CCDC60: variants seen among roughly 807,000 people sequenced by gnomAD.
The protein encoded by CCDC60 is coiled-coil domain-containing protein 60.
In CCDC60, 54 loss-of-function variants were observed where a neutral mutation model predicts 63.5. The ratio of observed to expected loss-of-function variants is 0.85; its 90% CI spans 0.68 to 1.07. The LOEUF (loss-of-function observed/expected upper bound fraction) is 1.07. CCDC60 is among the 50% of genes least tolerant of loss of function. The pLI is 0.00. For missense variants in CCDC60, 651 were observed against 684.3 expected (o/e 0.95, Z 0.54); for synonymous variants, 206 against 238.8 (o/e 0.86, Z 1.27).
intron 1 of CCDC60, among the ~76,000 whole-genome samples, chr12:119,339,330 T>G (rs1477152949): frequency 6.6e-6 from 1 of 152,232 alleles, no homozygotes; most frequent in East Asian, 1.9e-4. Flanking sequence ...TGTAAAGGTT[T>G]GCAATCCTTT....
chr12:119,501,629 G>C (rs924429360), intron 6 of CCDC60, among the ~76,000 whole-genome samples: 2 of 152,190 alleles, frequency 1.3e-5, no homozygotes, highest in East Asian at 3.9e-4. Context: ...ACGAGCCTTG[G>C]TTTTTATGGC....
intron 1 of CCDC60, among the ~76,000 whole-genome samples, chr12:119,364,279 T>A (rs1298251275): frequency 1.3e-5 from 2 of 152,168 alleles, no homozygotes; most frequent in Admixed American, 6.5e-5. Context: ...CAATGAGATT[T>A]GACGATTGTA....
chr12:119,385,184 A>G (rs1456942609), intron 1 of CCDC60, among the ~76,000 whole-genome samples: 3 of 152,198 alleles, frequency 2.0e-5, no homozygotes, highest in Admixed American at 6.5e-5. Flanking sequence ...GCCTCTCCAG[A>G]ACCACTTGCC....
At chr12:119,358,830 T>C (rs891164685) in intron 1 of CCDC60, among the ~76,000 whole-genome samples, 1 of 152,254 alleles carries the variant, frequency 6.6e-6, no homozygotes, top group Non-Finnish European at 1.5e-5. Context: ...ACAATTTATT[T>C]ATCTGTTTAC....
Position 119,505,283 on chromosome 12 carries a change from A to G in CCDC60, c.863A>G (p.Asp288Gly), listed in dbSNP as rs1312607155. ...AATGAGTCATCTTCAACCAAGCCAG[A>G]TGAAGAACCTCTGTATATGAGTAAG... ...EDNESSSTKPDEEPLYMNLQK... is the reference protein window; with the variant it reads ...EDNESSSTKPGEEPLYMNLQK... Residue 288 changes from aspartate to glycine, a missense_variant, in exon 7 of 14, where the codon GAT (aspartate) becomes GGT (glycine). Coordinates refer to ENST00000327554, the MANE Select transcript of CCDC60 (RefSeq NM_178499.5). 2 of 1,609,602 alleles carry G rather than the reference A, an allele frequency of 1.2e-6. No individual in the cohort carries two copies. Among genetic ancestry groups the G allele is most frequent in the South Asian group, 1.1e-5 (1 of 91,062 alleles).
At position 119,524,439 on chromosome 12, in the gene CCDC60, T is replaced by C. The variant is rs996556310; in HGVS notation, c.1229+621T>C. 2.7e-5 allele frequency: 27 copies of C among 985,004 alleles called. No individual in the cohort carries two copies. The Admixed American group carries it at 4.3e-4, about 16-fold the overall frequency. The allele number at this position is 985,004 out of a possible 1,614,324, so 61.0% of individuals were successfully genotyped here. A position where few individuals can be genotyped will look rare whatever the true frequency, so the allele number is the denominator to read the frequency against. ...CCATCCATCCCGATGAATGCATCTA[T>C]ACAACAAAGTTTGCATCATAGCCCG... is the stretch of plus-strand genomic sequence containing the variant. On this transcript the variant is annotated intron_variant, in intron 11 of 13. Coordinates refer to ENST00000327554, the MANE Select transcript of CCDC60 (RefSeq NM_178499.5).
intron 5 of CCDC60, among the ~76,000 whole-genome samples, chr12:119,493,188 C>G (rs768244155): frequency 1.5e-4 from 23 of 152,244 alleles, no homozygotes; most frequent in Non-Finnish European, 2.8e-4. Flanking sequence ...AACCCTGAGC[C>G]CTGACACCCA....
chr12:119,343,522 G>T (rs969909046), intron 1 of CCDC60, among the ~76,000 whole-genome samples: 2 of 152,080 alleles, frequency 1.3e-5, no homozygotes, highest in Non-Finnish European at 2.9e-5. Flanking sequence ...CACCTACCAT[G>T]TGACAGATGT....
chr12:119,402,465 G>A (rs1956409548), intron 1 of CCDC60: 1 of 152,184 alleles, frequency 6.6e-6, no homozygotes, highest in Admixed American at 6.5e-5. Flanking sequence ...AAGCTTTGGA[G>A]CCAAAGTGCA....
chr12:119,528,831 C>T, intron 12 of CCDC60, 85 bp downstream of exon 12: 1 of 1,412,504 alleles, frequency 7.1e-7, no homozygotes, highest in Non-Finnish European at 9.6e-7. Flanking sequence ...TTCCACTGTC[C>T]TTCAAGGCAT....
At chr12:119,460,027 G>A (rs1258871000) in intron 2 of CCDC60, among the ~76,000 whole-genome samples, 3 of 152,156 alleles carry the variant, frequency 2.0e-5, no homozygotes, top group South Asian at 2.1e-4. Flanking sequence ...AAGCTCTCAC[G>A]TGATGCTGAT....
intron 5 of CCDC60, among the ~76,000 whole-genome samples, chr12:119,489,113 G>A (rs924632599): frequency 5.9e-5 from 9 of 152,106 alleles, no homozygotes; most frequent in Admixed American, 5.2e-4. Flanking sequence ...ACATCACATG[G>A]GTAGCTTGAA....
chr12:119,383,562 C>T (rs1253395653), intron 1 of CCDC60, among the ~76,000 whole-genome samples: 4 of 152,132 alleles, frequency 2.6e-5, no homozygotes, highest in Admixed American at 6.6e-5. Flanking sequence ...GGGCTGTGTG[C>T]GAGAGCAGAA....
chr12:119,416,947 C>A (rs1015422004), intron 1 of CCDC60, among the ~76,000 whole-genome samples: 1 of 151,932 alleles, frequency 6.6e-6, no homozygotes. Context: ...ATGGTGAAAC[C>A]CCATCTATAC....
chr12:119,469,769 C>T (rs1457417762), intron 2 of CCDC60, among the ~76,000 whole-genome samples: 3 of 152,132 alleles, frequency 2.0e-5, no homozygotes, highest in Non-Finnish European at 4.4e-5. Context: ...TTGTAAGATG[C>T]AGTTTCACGT....
intron 2 of CCDC60, among the ~76,000 whole-genome samples, chr12:119,436,732 G>T (rs2136248390): frequency 6.6e-6 from 1 of 152,172 alleles, no homozygotes; most frequent in South Asian, 2.1e-4. Flanking sequence ...TAGAGATAGG[G>T]TTTCACCATG....
At chr12:119,516,518 C>G in intron 7 of CCDC60, 105 bp from the exon 8 acceptor site, 1 of 706,650 alleles carries the variant, frequency 1.4e-6, no homozygotes. Flanking sequence ...ATCTCCAACC[C>G]TCAGGAGCAG....
intron 1 of CCDC60, among the ~76,000 whole-genome samples, chr12:119,362,990 C>A (rs1450964839): frequency 6.6e-6 from 1 of 152,144 alleles, no homozygotes; most frequent in African/African-American, 2.4e-5. Flanking sequence ...CCCAGCTACT[C>A]GGGAGGCTGG....
chr12:119,433,361 T>G (rs780639311), intron 2 of CCDC60: 19 of 699,960 alleles, frequency 2.7e-5, no homozygotes, highest in Non-Finnish European at 5.2e-6. Context: ...AGCTGAGATT[T>G]AACGTTCTGC....
Sources: gnomAD v4.1 joint callset for allele counts (sites outside exome capture counted in the v4.1 genomes callset) on GRCh38, gnomAD v4.1.1 for gene constraint, MANE v1.5 for transcripts, NCBI Gene and HGNC (gene_info 2026-07-23, HGNC 2026-07-21) for gene names.